The following CABIN1 variants were observed in gnomAD, a reference collection of about 807,000 sequenced individuals.
The protein encoded by CABIN1 is calcineurin binding protein 1.
A neutral mutation model predicts 227.7 loss-of-function variants in CABIN1; 133 were observed. The ratio of observed to expected loss-of-function variants is 0.58; its 90% CI spans 0.51 to 0.67. CABIN1 has a LOEUF of 0.67. Ranked by LOEUF, CABIN1 falls within the 30% of genes least tolerant of loss-of-function variation. The probability of loss-of-function intolerance (pLI) is 0.00; values close to 1 mark genes in which losing one functional copy is unlikely to be tolerated. For missense variants in CABIN1, 2,408 were observed against 2,852.5 expected, an observed-to-expected ratio of 0.84 and a Z score of 3.55; for synonymous variants, 1,086 against 1,155.1, an observed-to-expected ratio of 0.94 and a Z score of 1.21.
At position 24,177,944 on chromosome 22, in the gene CABIN1, G is replaced by A; in HGVS notation, c.6520-109G>A. On this transcript the variant is annotated intron_variant, in intron 36 of 36. Coordinates refer to ENST00000263119, the MANE Select transcript of CABIN1 (RefSeq NM_012295.4). This position sits in a 1 kb window ranked among gnomAD's most constrained non-coding sequence, Gnocchi z 4.4. Reference sequence around the variant, plus strand: ...GGTGAGGATGGCATAGGGGCCTGGGGCAGGGGTGAGGGTGGGAGGGGGGCC... The same window carrying A: ...GGTGAGGATGGCATAGGGGCCTGGGACAGGGGTGAGGGTGGGAGGGGGGCC... 5 of 1,532,262 alleles carry A rather than the reference G, an allele frequency of 3.3e-6. No individual in the cohort carries two copies. Among genetic ancestry groups the A allele is most frequent in the South Asian group, 2.3e-5 (2 of 85,890 alleles). The allele number at this position is 1,532,262 out of a possible 1,614,324, so 94.9% of individuals were successfully genotyped here.
At chr22:24,113,435 G>T (rs1323870595) in intron 26 of CABIN1, 131 bp from the exon 27 acceptor site, 6 of 856,274 alleles carry the variant, frequency 7.0e-6, no homozygotes, top group Non-Finnish European at 1.0e-5. Context: ...GTGTCGAATG[G>T]CTGTGTTCAG....
rs889123139 is a variant in CABIN1 at position 24,059,848 on chromosome 22, G to A, written c.1400-76G>A. On this transcript the variant is annotated intron_variant, in intron 11 of 36. Coordinates refer to ENST00000263119, the MANE Select transcript of CABIN1 (RefSeq NM_012295.4). ...GTAGAGGGAGGGAACAGTCTTTACTGTCCCAAAGTAAATAGGAGACCCTGG... is the reference window on the plus strand; with the variant it reads ...GTAGAGGGAGGGAACAGTCTTTACTATCCCAAAGTAAATAGGAGACCCTGG... The A allele has an allele frequency of 2.9e-5, 38 of 1,293,978 alleles. No homozygotes were observed. The African/African-American group carries it at 4.8e-4, about 16-fold the overall frequency. The allele number at this position is 1,293,978 out of a possible 1,614,324, so 80.2% of individuals were successfully genotyped here.
rs1260074686 is a variant in CABIN1 at position 24,097,995 on chromosome 22, CA to C, written c.3939-16del. 2 of 1,613,984 alleles carry C rather than the reference CA, an allele frequency of 1.2e-6. No individual in the cohort carries two copies. The highest frequency in any genetic ancestry group is 1.7e-6 in the Non-Finnish European group (2 of 1,180,004). On this transcript the variant is annotated intron_variant, in intron 25 of 36. Transcript: ENST00000263119. Reference sequence around the variant, plus strand: ...GAGGTGGAGACTCTGACCTGTGCCCCAAACCTCTGTTCCCACAGGGAGAAGG... The same window carrying C: ...GAGGTGGAGACTCTGACCTGTGCCCCAACCTCTGTTCCCACAGGGAGAAGG...
intron 23 of CABIN1, among the ~76,000 whole-genome samples, chr22:24,088,485 G>A (rs1315116350): frequency 4.6e-5 from 7 of 152,116 alleles, no homozygotes; most frequent in Admixed American, 4.6e-4. Context: ...GTGCATGCCT[G>A]TTATCCCAGC....
At position 24,067,117 on chromosome 22, in the gene CABIN1, G is replaced by C. The variant is rs774230492; in HGVS notation, c.2168G>C (p.Arg723Pro). The C allele has an allele frequency of 3.7e-6, 6 of 1,614,202 alleles. No homozygotes were observed. The South Asian group carries it at 6.6e-5, about 18-fold the overall frequency. Reference sequence around the variant, plus strand: ...ACTTTGTGCACCAGTGGGTTTGACCGGGCCAAACACCTGGAGTTTATGACT... The same window carrying C: ...ACTTTGTGCACCAGTGGGTTTGACCCGGCCAAACACCTGGAGTTTATGACT... ...RPTLCTSGFD[R>P]AKHLEFMTSI... The change falls in exon 16 of 37, where the codon CGG becomes CCG. Residue 723 changes from arginine to proline, a missense_variant. Coordinates refer to ENST00000263119, the MANE Select transcript of CABIN1 (RefSeq NM_012295.4).
intron 25 of CABIN1, 27 bp from the exon 26 acceptor site, chr22:24,097,987 C>G (rs772082639): frequency 1.2e-5 from 19 of 1,613,956 alleles, no homozygotes; most frequent in Non-Finnish European, 1.6e-5. Flanking sequence ...AGACTCTGAC[C>G]TGTGCCCCAA....
rs532370043 is a variant in CABIN1 at position 24,178,265 on chromosome 22, C to A, written c.*69C>A. ...GGCCTGGAATGCCCCCTGGGCAGGA[C>A]CCTGGGCAGGACCAGAGGCCCACAT... On this transcript the variant is annotated 3_prime_UTR_variant, in exon 37 of 37. Coordinates refer to ENST00000263119, the MANE Select transcript of CABIN1 (RefSeq NM_012295.4). 2.5e-6 allele frequency: 4 copies of A among 1,592,940 alleles called. No individual in the cohort carries two copies. Among genetic ancestry groups the A allele is most frequent in the East Asian group, 4.5e-5 (2 of 44,446 alleles).
At chr22:24,117,035 G>A (rs1311064997) in intron 27 of CABIN1, among the ~76,000 whole-genome samples, 1 of 152,236 alleles carries the variant, frequency 6.6e-6, no homozygotes, top group African/African-American at 2.4e-5. Flanking sequence ...GAAACGTGGT[G>A]TAGTCCTGTT....
At chr22:24,081,615 C>T (rs187465269) in intron 19 of CABIN1, among the ~76,000 whole-genome samples, 7 of 152,136 alleles carry the variant, frequency 4.6e-5, no homozygotes, top group South Asian at 2.1e-4. Flanking sequence ...AGTTCATTAC[C>T]GCTTTAATAT....
intron 27 of CABIN1, among the ~76,000 whole-genome samples, chr22:24,115,159 A>G (rs953960195): frequency 6.6e-6 from 1 of 152,366 alleles, no homozygotes; most frequent in East Asian, 1.9e-4. Context: ...AAGACCTACC[A>G]TGTGTGCTCT....
intron 18 of CABIN1, among the ~76,000 whole-genome samples, chr22:24,075,158 A>G (rs1226074274): frequency 6.6e-6 from 1 of 152,120 alleles, no homozygotes; most frequent in Non-Finnish European, 1.5e-5. Flanking sequence ...AGCTATGACC[A>G]TGCCATTGTA....
At position 24,059,914 on chromosome 22, in the gene CABIN1, C is replaced by T. The variant is rs374007729; in HGVS notation, c.1400-10C>T. 5.0e-6 allele frequency: 8 copies of T among 1,613,374 alleles called. No individual in the cohort carries two copies. Among genetic ancestry groups the T allele is most frequent in the South Asian group, 3.3e-5 (3 of 91,050 alleles). On this transcript the variant is annotated splice_polypyrimidine_tract_variant and intron_variant, in intron 11 of 36. Coordinates refer to ENST00000263119, the MANE Select transcript of CABIN1 (RefSeq NM_012295.4). ...TTATTCAAGTCAGGTTGTTCTTGCT[C>T]CCCGGGCAGAAAAGCAGGACGTGCA... is the stretch of plus-strand genomic sequence containing the variant.
At chr22:24,054,129 A>G (rs757165097) in intron 8 of CABIN1, among the ~76,000 whole-genome samples, 8 of 152,216 alleles carry the variant, frequency 5.3e-5, no homozygotes, top group Admixed American at 3.3e-4. Context: ...GTGCAGCACC[A>G]TGAGGCCAGG....
intron 10 of CABIN1, 101 bp from the exon 11 acceptor site, chr22:24,059,112 ACTTATTTTAGCTGC>A (rs2039009744): frequency 7.3e-7 from 1 of 1,375,318 alleles, no homozygotes. Context: ...CCCACCACCC[ACTTATTTTAGCTGC>A]CTTCTTCCTG....
At chr22:24,054,279 C>T (rs1402984310) in intron 8 of CABIN1, among the ~76,000 whole-genome samples, 1 of 152,142 alleles carries the variant, frequency 6.6e-6, no homozygotes, top group African/African-American at 2.4e-5. Flanking sequence ...ATGTGAAATA[C>T]AAAACAATAG....
At chr22:24,058,420 T>C (rs968027407) in intron 10 of CABIN1, among the ~76,000 whole-genome samples, 2 of 152,114 alleles carry the variant, frequency 1.3e-5, no homozygotes, top group Non-Finnish European at 2.9e-5. Flanking sequence ...ATGAAGACAT[T>C]CACAAGTGCC....
chr22:24,164,567 A>G lies in CABIN1; in HGVS notation c.4910+4A>G. On this transcript the variant is annotated splice_donor_region_variant and intron_variant, in intron 30 of 36. Coordinates refer to ENST00000263119, the MANE Select transcript of CABIN1 (RefSeq NM_012295.4). Reference sequence around the variant, plus strand: ...AGCGGACCCCAGACCAGGGCAAGTGAGTGCAGCCACCCTGGACACAGCCTG... The same window carrying G: ...AGCGGACCCCAGACCAGGGCAAGTGGGTGCAGCCACCCTGGACACAGCCTG... 6.2e-7 allele frequency: 1 copy of G among 1,603,062 alleles called. No homozygotes were observed.
At chr22:24,022,795 GGT>G (rs2035818458) in intron 1 of CABIN1, among the ~76,000 whole-genome samples, 1 of 152,126 alleles carries the variant, frequency 6.6e-6, no homozygotes, top group African/African-American at 2.4e-5. Context: ...AGCTCATCAT[GGT>G]TTTAATTCAT....
chr22:24,101,867 ATGTGTG>A (rs60565595), intron 26 of CABIN1: 23 of 151,476 alleles, frequency 1.5e-4, no homozygotes, highest in African/African-American at 5.1e-4. Context: ...GCGTGTATGT[ATGTGTG>A]TGTGTGTGTG....
Sources: allele counts gnomAD v4.1 joint callset (sites outside exome capture counted in the v4.1 genomes callset), GRCh38; gene constraint gnomAD v4.1.1; non-coding constraint Gnocchi (gnomAD v3.1); transcripts MANE v1.5; gene names NCBI Gene and HGNC (gene_info 2026-07-23, HGNC 2026-07-21).